The following DPP10 variants were observed in gnomAD, a reference collection of about 807,000 sequenced individuals.
The protein encoded by DPP10 is inactive dipeptidyl peptidase 10.
A neutral mutation model predicts 120.9 loss-of-function variants in DPP10; 33 were observed. The observed-to-expected ratio is 0.27, with a 90% CI of 0.21 to 0.37. The LOEUF is 0.37. Ranked by LOEUF, DPP10 falls within the 10% of genes least tolerant of loss-of-function variation. DPP10 has a pLI of 1.00. For synonymous variants in DPP10, 337 were observed against 326.1 expected (o/e 1.03, Z -0.36); for missense variants, 816 against 942.8 (o/e 0.87, Z 1.76).
chr2:115,781,274 C>G (rs1332196705), intron 16 of DPP10, among the ~76,000 whole-genome samples: 1 of 151,778 alleles, frequency 6.6e-6, no homozygotes, highest in Non-Finnish European at 1.5e-5. Context: ...ATATTTACAT[C>G]AGCGAGGCCA....
intron 1 of DPP10, among the ~76,000 whole-genome samples, chr2:114,732,763 A>T (rs1311376923): frequency 6.6e-6 from 1 of 152,132 alleles, no homozygotes; most frequent in Non-Finnish European, 1.5e-5. Context: ...CCGATAGTAT[A>T]CTCTTACTAT....
In DPP10 at chr2:115,835,134, TA is replaced by T. The variant is rs59625893; in HGVS notation, c.1951-1011del. 7.9e-3 allele frequency among the ~76,000 whole-genome samples: 1,063 copies of T among 134,562 alleles called. 39 individuals are homozygous for T. The East Asian group carries it at 0.13, about 16-fold the overall frequency. The allele number at this position is 134,562 out of a possible 152,430, so 88.3% of individuals were successfully genotyped here. ...CTGGACCACAGAGCAAGACTCTGTC[TA>T]AAAAAAAAAAAGCAAGAGAAAAACA... On this transcript the variant is annotated intron_variant, in intron 21 of 25. Transcript: ENST00000410059.
chr2:115,288,006 A>G (rs1030123112), intron 1 of DPP10, among the ~76,000 whole-genome samples: 3 of 152,058 alleles, frequency 2.0e-5, no homozygotes, highest in East Asian at 1.9e-4. Context: ...TTTTGGTATA[A>G]TGACTATTTT....
At chr2:114,592,863 T>A (rs900632640) in intron 1 of DPP10, among the ~76,000 whole-genome samples, 62 of 152,332 alleles carry the variant, frequency 4.1e-4, no homozygotes, top group African/African-American at 1.4e-3. Flanking sequence ...TTTATGTGTC[T>A]TGAAGGTACA....
At chr2:115,786,135 C>T (rs1441663951) in intron 17 of DPP10, among the ~76,000 whole-genome samples, 2 of 152,080 alleles carry the variant, frequency 1.3e-5, no homozygotes, top group South Asian at 2.1e-4. Context: ...ATGGGAGAAA[C>T]ATAAAATTAC....
At chr2:115,306,953 CT>C (rs1169446066) in intron 1 of DPP10, among the ~76,000 whole-genome samples, 1 of 152,014 alleles carries the variant, frequency 6.6e-6, no homozygotes, top group African/African-American at 2.4e-5. Flanking sequence ...TTTATTGATT[CT>C]TTAATGTACT....
chr2:115,194,424 G>GC (rs2055110330), intron 1 of DPP10, among the ~76,000 whole-genome samples: 1 of 152,116 alleles, frequency 6.6e-6, no homozygotes, highest in African/African-American at 2.4e-5. Context: ...GGATTTCTCC[G>GC]TGTTAAGGAT....
intron 1 of DPP10, among the ~76,000 whole-genome samples, chr2:114,493,455 T>A (rs1447416312): frequency 1.3e-5 from 2 of 152,118 alleles, no homozygotes; most frequent in Admixed American, 1.3e-4. Flanking sequence ...AGAGAGGGAC[T>A]TACTTTAATG....
intron 21 of DPP10, among the ~76,000 whole-genome samples, chr2:115,821,208 C>A (rs1356039732): frequency 2.0e-5 from 3 of 151,982 alleles, no homozygotes; most frequent in Admixed American, 1.3e-4. Flanking sequence ...ATTAAAGTAT[C>A]CCTTTATAAT....
intron 1 of DPP10, among the ~76,000 whole-genome samples, chr2:115,204,709 T>C (rs943656882): frequency 1.3e-5 from 2 of 152,184 alleles, no homozygotes. Flanking sequence ...TTCATCTGTC[T>C]GCCTGTTCTG....
At chr2:115,305,590 A>T (rs925712645) in intron 1 of DPP10, among the ~76,000 whole-genome samples, 1 of 151,864 alleles carries the variant, frequency 6.6e-6, no homozygotes, top group Non-Finnish European at 1.5e-5. Flanking sequence ...TTAAAAAATT[A>T]ACTGTGTGTG....
chr2:115,228,590 A>T (rs556654933), intron 1 of DPP10, among the ~76,000 whole-genome samples: 22 of 150,122 alleles, frequency 1.5e-4, no homozygotes, highest in African/African-American at 5.4e-4. Flanking sequence ...TTTTTTTTTA[A>T]AAAATTTAGT....
intron 1 of DPP10, among the ~76,000 whole-genome samples, chr2:114,602,651 T>C (rs765657153): frequency 5.9e-5 from 9 of 151,964 alleles, no homozygotes; most frequent in Non-Finnish European, 5.9e-5. Context: ...TTTGAACTGT[T>C]AACACCAGAA....
At chr2:115,060,614 A>C (rs898234825) in intron 1 of DPP10, among the ~76,000 whole-genome samples, 3 of 152,126 alleles carry the variant, frequency 2.0e-5, no homozygotes, top group Non-Finnish European at 4.4e-5. Context: ...AGAATAATAG[A>C]AATAATTAAA....
intron 1 of DPP10, among the ~76,000 whole-genome samples, chr2:114,847,660 A>G (rs1688648297): frequency 1.3e-5 from 2 of 152,312 alleles, no homozygotes; most frequent in East Asian, 1.9e-4. Flanking sequence ...GCATGAGTGT[A>G]ATAAGGAACT....
At chr2:114,450,700 C>T (rs1384820133) in intron 1 of DPP10, among the ~76,000 whole-genome samples, 1 of 149,504 alleles carries the variant, frequency 6.7e-6, no homozygotes, top group Non-Finnish European at 1.5e-5. Flanking sequence ...TGTGCTATTT[C>T]TCTTGAGGAT....
At chr2:115,112,943 T>C (rs1056203620) in intron 1 of DPP10, among the ~76,000 whole-genome samples, 1 of 152,174 alleles carries the variant, frequency 6.6e-6, no homozygotes, top group African/African-American at 2.4e-5. Flanking sequence ...TCGTTCACAT[T>C]TGGTTCATAT....
chr2:115,023,713 G>A (rs550473978), intron 1 of DPP10, among the ~76,000 whole-genome samples: 2 of 151,914 alleles, frequency 1.3e-5, no homozygotes, highest in Non-Finnish European at 2.9e-5. Flanking sequence ...AGCACTATTT[G>A]CATATTTGCA....
chr2:115,432,467 A>G (rs2071080895), intron 3 of DPP10, among the ~76,000 whole-genome samples: 1 of 151,994 alleles, frequency 6.6e-6, no homozygotes, highest in African/African-American at 2.4e-5. Context: ...ATTCCTAATA[A>G]GGTGGGTTTT....
Sources: allele counts gnomAD v4.1 joint callset (sites outside exome capture counted in the v4.1 genomes callset), GRCh38; gene constraint gnomAD v4.1.1; transcripts MANE v1.5; gene names NCBI Gene and HGNC (gene_info 2026-07-23, HGNC 2026-07-21).